The following CTNNA2 variants were observed in gnomAD, a reference collection of about 807,000 sequenced individuals.
The protein encoded by CTNNA2 is catenin alpha 2.
A neutral mutation model predicts 101.0 loss-of-function variants in CTNNA2; 42 were observed. The observed-to-expected ratio is 0.42, with a 90% CI of 0.32 to 0.54. The LOEUF (loss-of-function observed/expected upper bound fraction) is 0.54, where lower values mean the gene tolerates loss of function less well. CTNNA2 is among the 20% of genes least tolerant of loss of function. The pLI, the probability that CTNNA2 is intolerant of heterozygous loss-of-function variation, is 0.14. For synonymous variants in CTNNA2, 450 were observed against 456.4 expected, an observed-to-expected ratio of 0.99 and a Z score of 0.18; for missense variants, 871 against 1,223.1, an observed-to-expected ratio of 0.71 and a Z score of 4.29.
intron 7 of CTNNA2, among the ~76,000 whole-genome samples, chr2:79,932,356 G>A (rs1405563452): frequency 6.6e-6 from 1 of 152,198 alleles, no homozygotes; most frequent in Non-Finnish European, 1.5e-5. Context: ...GTGTGATGGA[G>A]AAGAGGGAAC....
intron 7 of CTNNA2, among the ~76,000 whole-genome samples, chr2:80,062,699 G>T (rs924986015): frequency 7.3e-6 from 1 of 137,372 alleles, no homozygotes; most frequent in Non-Finnish European, 1.5e-5. Flanking sequence ...ACTGCACTGT[G>T]ATCTTTTTTT....
intron 7 of CTNNA2, among the ~76,000 whole-genome samples, chr2:80,253,425 T>G (rs1276873585): frequency 6.6e-6 from 1 of 152,160 alleles, no homozygotes; most frequent in Non-Finnish European, 1.5e-5. Flanking sequence ...TAATAGTTCT[T>G]AAAATAACTT....
intron 3 of CTNNA2, among the ~76,000 whole-genome samples, chr2:79,827,124 C>T (rs1166235405): frequency 1.3e-5 from 2 of 152,018 alleles, no homozygotes; most frequent in African/African-American, 2.4e-5. Context: ...CTGCAACCTC[C>T]GCCTCCCAGG....
intron 2 of CTNNA2, among the ~76,000 whole-genome samples, chr2:79,278,521 G>GAA (rs35906931): frequency 2.4e-4 from 36 of 151,432 alleles, no homozygotes; most frequent in Admixed American, 8.6e-4. Context: ...CCAAGCCCAC[G>GAA]AAAAAAAAAT....
At chr2:79,483,768 C>T (rs1172299116) in intron 4 of CTNNA2, among the ~76,000 whole-genome samples, 10 of 152,084 alleles carry the variant, frequency 6.6e-5, no homozygotes, top group Admixed American at 5.9e-4. Flanking sequence ...AGTAGTATTC[C>T]GTGGTGTATA....
chr2:79,727,721 T>TC (rs1178318029), intron 2 of CTNNA2, among the ~76,000 whole-genome samples: 2 of 84,372 alleles, frequency 2.4e-5, no homozygotes, highest in Non-Finnish European at 4.4e-5. Context: ...AAGCTATCCC[T>TC]CCCCCCTCCC....
intron 2 of CTNNA2, among the ~76,000 whole-genome samples, chr2:79,289,140 C>T (rs1675715915): frequency 6.6e-6 from 1 of 152,270 alleles, no homozygotes; most frequent in Admixed American, 6.5e-5. Context: ...GGGCCTTTGC[C>T]TCTCAGTGAT....
At chr2:80,275,050 A>C (rs1410683391) in intron 7 of CTNNA2, among the ~76,000 whole-genome samples, 1 of 152,180 alleles carries the variant, frequency 6.6e-6, no homozygotes, top group Non-Finnish European at 1.5e-5. Context: ...TTAGTTTGTA[A>C]AGTTCAGAGA....
At chr2:79,482,501 G>A (rs1203725826) in intron 4 of CTNNA2, among the ~76,000 whole-genome samples, 2 of 152,242 alleles carry the variant, frequency 1.3e-5, no homozygotes, top group East Asian at 3.9e-4. Context: ...AGCTATTCTG[G>A]TAGTGACACC....
intron 12 of CTNNA2, among the ~76,000 whole-genome samples, chr2:80,566,130 T>G (rs1424727792): frequency 6.6e-6 from 1 of 152,220 alleles, no homozygotes; most frequent in Non-Finnish European, 1.5e-5. Context: ...ACTACATTAG[T>G]TATATATTTC....
intron 6 of CTNNA2, among the ~76,000 whole-genome samples, chr2:79,909,106 T>C (rs1230659385): frequency 6.6e-6 from 1 of 152,240 alleles, no homozygotes; most frequent in Non-Finnish European, 1.5e-5. Flanking sequence ...TTGGGTGTTA[T>C]GTGCCCAAGT....
chr2:79,814,012 G>A (rs888210716), intron 3 of CTNNA2, among the ~76,000 whole-genome samples: 15 of 151,910 alleles, frequency 9.9e-5, no homozygotes, highest in East Asian at 1.9e-4. Flanking sequence ...CAGCTGCATC[G>A]CTCCAATCTC....
intron 7 of CTNNA2, among the ~76,000 whole-genome samples, chr2:80,004,676 T>C (rs1665176): frequency 8.7e-5 from 2 of 22,864 alleles, no homozygotes; most frequent in Non-Finnish European, 2.2e-4. Flanking sequence ...ATTTTACATT[T>C]ATTTATTTAT....
At chr2:80,231,507 C>G (rs1029466307) in intron 7 of CTNNA2, among the ~76,000 whole-genome samples, 1 of 152,166 alleles carries the variant, frequency 6.6e-6, no homozygotes, top group African/African-American at 2.4e-5. Flanking sequence ...GTGGACCCCT[C>G]TTCAGGTCCC....
intron 7 of CTNNA2, among the ~76,000 whole-genome samples, chr2:80,377,897 A>G (rs1051644156): frequency 3.3e-5 from 5 of 152,160 alleles, no homozygotes; most frequent in Admixed American, 6.5e-5. Flanking sequence ...GGCCAGAGGA[A>G]ACTTGGCCTT....
intron 7 of CTNNA2, among the ~76,000 whole-genome samples, chr2:79,936,802 AC>A (rs1261096825): frequency 6.6e-6 from 1 of 152,180 alleles, no homozygotes; most frequent in Admixed American, 6.5e-5. Context: ...AACATTAGAT[AC>A]CAGGATTTAG....
chr2:80,386,097 A>G (rs1676970156), intron 7 of CTNNA2, among the ~76,000 whole-genome samples: 1 of 152,160 alleles, frequency 6.6e-6, no homozygotes, highest in Admixed American at 6.5e-5. Flanking sequence ...AGGGCCTGGT[A>G]GTCTCACCAA....
chr2:79,599,721 A>G (rs142227921), intron 1 of CTNNA2, among the ~76,000 whole-genome samples: 2,295 of 152,300 alleles, frequency 0.015, 18 homozygotes, highest in Non-Finnish European at 0.02. Context: ...GTCTAGAAAA[A>G]TCTGAGAAAT....
intron 7 of CTNNA2, among the ~76,000 whole-genome samples, chr2:80,002,353 G>T (rs537523324): frequency 8.4e-4 from 128 of 152,268 alleles, no homozygotes; most frequent in African/African-American, 2.6e-3. Context: ...CTAAAGCCAT[G>T]TCCTCAGGCA....
Sources: gnomAD v4.1 joint callset for allele counts (sites outside exome capture counted in the v4.1 genomes callset) on GRCh38, gnomAD v4.1.1 for gene constraint, MANE v1.5 for transcripts, NCBI Gene and HGNC (gene_info 2026-07-23, HGNC 2026-07-21) for gene names.